The following LCOR variants were observed in gnomAD, a reference collection of about 807,000 sequenced individuals.
LCOR encodes ligand dependent nuclear receptor corepressor.
LCOR carries 14 observed loss-of-function variants against 64.4 expected under a neutral mutation model. That is an observed-to-expected ratio of 0.22 (90% confidence interval 0.14 to 0.34). The LOEUF (loss-of-function observed/expected upper bound fraction) is 0.34. Ranked by LOEUF, LCOR falls within the 10% of genes least tolerant of loss-of-function variation. LCOR has a pLI of 1.00. For synonymous variants in LCOR, 643 were observed against 642.5 expected, an observed-to-expected ratio of 1.00 and a Z score of -0.01; for missense variants, 1,686 against 1,765.3, an observed-to-expected ratio of 0.96 and a Z score of 0.80.
chr10:96,949,358 A>C (rs1218581133), intron 6 of LCOR, 63 bp downstream of exon 6: 2 of 1,468,316 alleles, frequency 1.4e-6, no homozygotes, highest in Non-Finnish European at 1.9e-6. Flanking sequence ...GGAGAAAAAA[A>C]AAAGCATTGG....
At chr10:96,920,126 C>A (rs1847022138) in intron 4 of LCOR, among the ~76,000 whole-genome samples, 1 of 151,918 alleles carries the variant, frequency 6.6e-6, no homozygotes. Context: ...TAAAGGGTTC[C>A]AATTTTTCCG....
intron 2 of LCOR, among the ~76,000 whole-genome samples, chr10:96,839,167 G>A (rs1370081783): frequency 6.6e-6 from 1 of 152,140 alleles, no homozygotes; most frequent in African/African-American, 2.4e-5. Context: ...CATACCTTTG[G>A]AGATACATTT....
chr10:96,868,590 A>C (rs1485941238), intron 2 of LCOR, among the ~76,000 whole-genome samples: 1 of 152,002 alleles, frequency 6.6e-6, no homozygotes, highest in Non-Finnish European at 1.5e-5. Flanking sequence ...GTTACTTTTT[A>C]AAAGTCATCA....
intron 2 of LCOR, among the ~76,000 whole-genome samples, chr10:96,860,548 G>T (rs968046194): frequency 6.6e-6 from 1 of 152,174 alleles, no homozygotes; most frequent in Non-Finnish European, 1.5e-5. Context: ...CTCTAGAATC[G>T]CAATGTTGTT....
At position 96,982,365 on chromosome 10, in the gene LCOR, A is replaced by T. The variant is rs1363309591; in HGVS notation, c.1905A>T (p.Thr635=). 1 of 1,614,060 alleles carries T rather than the reference A, an allele frequency of 6.2e-7. No individual in the cohort carries two copies. Among genetic ancestry groups the T allele is most frequent in the South Asian group, 1.1e-5 (1 of 91,092 alleles). The part of the protein sequence containing the change: ...PEEDLPEGGS[T]VSAPTASGMS... The stretch of plus-strand genomic sequence containing the variant: ...AGGACCTGCCAGAAGGTGGCTCCAC[A>T]GTCTCAGCTCCCACAGCAAGTGGGA... Residue 635 remains threonine (T), a synonymous_variant, in exon 8 of 8, where the codon ACA becomes ACT. Transcript: ENST00000421806.
intron 2 of LCOR, among the ~76,000 whole-genome samples, chr10:96,898,403 G>A (rs1371451961): frequency 1.3e-5 from 2 of 152,064 alleles, no homozygotes; most frequent in Non-Finnish European, 2.9e-5. Flanking sequence ...AGATAATTTG[G>A]GATCAGATCC....
chr10:96,894,490 G>T (rs913444717), intron 2 of LCOR, among the ~76,000 whole-genome samples: 1 of 150,578 alleles, frequency 6.6e-6, no homozygotes, highest in African/African-American at 2.5e-5. Flanking sequence ...GTGTTGAAAA[G>T]GTTCACTTTT....
At chr10:96,856,132 G>C (rs577946452) in intron 2 of LCOR, among the ~76,000 whole-genome samples, 1 of 150,832 alleles carries the variant, frequency 6.6e-6, no homozygotes, top group Non-Finnish European at 1.5e-5. Flanking sequence ...GTGCAGTGGC[G>C]CAATCTCACC....
At chr10:96,916,268 T>A (rs1387720319) in intron 4 of LCOR, among the ~76,000 whole-genome samples, 2 of 152,078 alleles carry the variant, frequency 1.3e-5, no homozygotes, top group African/African-American at 4.8e-5. Flanking sequence ...CCTGACCTCG[T>A]GATCCGCCCA....
At chr10:96,874,812 A>G (rs1160278186) in intron 2 of LCOR, among the ~76,000 whole-genome samples, 1 of 151,656 alleles carries the variant, frequency 6.6e-6, no homozygotes, top group Non-Finnish European at 1.5e-5. Context: ...TAATTTTTGT[A>G]TTTTTAGTAG....
chr10:96,981,125 C>A lies in LCOR; in HGVS notation c.665C>A (p.Thr222Asn), dbSNP rs772366176. 1.6e-5 allele frequency: 11 copies of A among 704,092 alleles called. No homozygotes were observed. The East Asian group carries it at 2.9e-4, about 19-fold the overall frequency. The allele number at this position is 704,092 out of a possible 1,614,324, so 43.6% of individuals were successfully genotyped here. ...SHSPLHLTEQ[T>N]PKKPPPEINP... ...AGCCCTCTACACTTGACGGAACAGA[C>A]CCCGAAGAAGCCTCCTCCTGAGATA... The change falls in exon 8 of 8, where the codon ACC becomes AAC. Residue 222 changes from threonine to asparagine, a missense_variant. Coordinates refer to ENST00000421806, the MANE Select transcript of LCOR (RefSeq NM_001346516.2).
chr10:96,973,236 C>T (rs771282115), intron 7 of LCOR, among the ~76,000 whole-genome samples: 10 of 152,174 alleles, frequency 6.6e-5, no homozygotes, highest in African/African-American at 9.7e-5. Flanking sequence ...TACCCTTTCA[C>T]TGCTTCTCCT....
At chr10:96,890,542 G>A (rs1846422391) in intron 2 of LCOR, among the ~76,000 whole-genome samples, 1 of 152,088 alleles carries the variant, frequency 6.6e-6, no homozygotes, top group Admixed American at 6.5e-5. Flanking sequence ...CAATTTGGAT[G>A]CCTTTTATTT....
At chr10:96,861,824 G>GCC (rs941056851) in intron 2 of LCOR, among the ~76,000 whole-genome samples, 5 of 152,076 alleles carry the variant, frequency 3.3e-5, no homozygotes, top group African/African-American at 1.2e-4. Context: ...GAGTCACTGC[G>GCC]CCCAACCAAG....
chr10:96,971,309 A>G (rs1349904655), intron 7 of LCOR, among the ~76,000 whole-genome samples: 1 of 152,064 alleles, frequency 6.6e-6, no homozygotes, highest in African/African-American at 2.4e-5. Context: ...TACCCCTTTC[A>G]ATTCCCTTGA....
intron 2 of LCOR, among the ~76,000 whole-genome samples, chr10:96,849,786 C>T (rs1433235831): frequency 6.6e-6 from 1 of 151,506 alleles, no homozygotes; most frequent in East Asian, 1.9e-4. Context: ...GGCATGTGTG[C>T]AGACCAGATG....
rs367945075 is a variant in LCOR at position 96,858,460 on chromosome 10, C to T, written c.-330+24981C>T. On this transcript the variant is annotated intron_variant, in intron 2 of 7. Transcript: ENST00000421806. ...TGATCCTTCCAGAACTACAGGGTTA[C>T]TTACTGACATACTATGTGTGTGACA... 3.3e-5 allele frequency among the ~76,000 whole-genome samples: 5 copies of T among 152,264 alleles called. No homozygotes were observed. In the East Asian group the frequency reaches 7.7e-4, roughly 24 times the overall value.
intron 7 of LCOR, among the ~76,000 whole-genome samples, chr10:96,966,163 C>CT (rs57378535): frequency 0.058 from 5,193 of 89,998 alleles, 261 homozygotes; most frequent in African/African-American, 0.12. Flanking sequence ...AAAATGGAAA[C>CT]TTTTTTTTTT....
chr10:96,832,753 G>C (rs1490492688), intron 1 of LCOR, among the ~76,000 whole-genome samples: 4 of 150,970 alleles, frequency 2.6e-5, no homozygotes, highest in African/African-American at 9.7e-5. Context: ...CGGCGCCGCC[G>C]CCGGCTTATT....
Sources: gnomAD v4.1 joint callset for allele counts (sites outside exome capture counted in the v4.1 genomes callset) on GRCh38, gnomAD v4.1.1 for gene constraint, MANE v1.5 for transcripts, NCBI Gene and HGNC (gene_info 2026-07-23, HGNC 2026-07-21) for gene names.